Variants in DLG2 observed in about 807,000 individuals in gnomAD.
The protein encoded by DLG2 is discs large MAGUK scaffold protein 2.
DLG2 carries 45 observed loss-of-function variants against 132.5 expected under a neutral mutation model. That is an observed-to-expected ratio of 0.34 (90% CI 0.27 to 0.44). The LOEUF is 0.44. Among genes scored for constraint, DLG2 ranks in the 20% least tolerant of loss-of-function variants. The pLI is 1.00. For missense variants in DLG2, 1,045 were observed against 1,196.9 expected, an observed-to-expected ratio of 0.87 and a Z score of 1.87; for synonymous variants, 424 against 419.6, an observed-to-expected ratio of 1.01 and a Z score of -0.13.
chr11:84,659,092 A>G (rs552073131), intron 6 of DLG2, among the ~76,000 whole-genome samples: 1 of 152,316 alleles, frequency 6.6e-6, no homozygotes, highest in Non-Finnish European at 1.5e-5. Context: ...CACAGCCTGA[A>G]TAAGCTAAGA....
chr11:84,047,037 A>G (rs113217626), intron 11 of DLG2, among the ~76,000 whole-genome samples: 118 of 151,756 alleles, frequency 7.8e-4, no homozygotes, highest in African/African-American at 2.6e-3. Context: ...ACATTGGTCC[A>G]TGAGTTGAGG....
intron 4 of DLG2, among the ~76,000 whole-genome samples, chr11:85,266,101 G>C (rs118101644): frequency 0.017 from 2,665 of 152,326 alleles, 105 homozygotes; most frequent in Non-Finnish European, 0.014. Flanking sequence ...ACACACTGCT[G>C]TCCATAGACA....
chr11:83,480,333 T>G lies in DLG2; in HGVS notation c.2293+3796A>C, dbSNP rs1345744101. 3 of 1,514,808 alleles carry G rather than the reference T, an allele frequency of 2.0e-6. No homozygotes were observed. The African/African-American group carries it at 4.1e-5, about 21-fold the overall frequency. The allele number at this position is 1,514,808 out of a possible 1,614,324, so 93.8% of individuals were successfully genotyped here. On this transcript the variant is annotated intron_variant, in intron 22 of 27. Transcript: ENST00000376104. ...ATGACCACCACAGGCAATGGGGCAA[T>G]TGCAAAGAAAATAACCGCAAACCAA... is the stretch of plus-strand genomic sequence containing the variant.
chr11:84,868,392 G>C (rs1449861111), intron 6 of DLG2, among the ~76,000 whole-genome samples: 1 of 151,974 alleles, frequency 6.6e-6, no homozygotes, highest in Non-Finnish European at 1.5e-5. Context: ...AGTCAGCAAG[G>C]TCATTCTGCA....
At chr11:84,184,328 G>A (rs995883851) in intron 8 of DLG2, among the ~76,000 whole-genome samples, 33 of 152,032 alleles carry the variant, frequency 2.2e-4, no homozygotes, top group African/African-American at 7.7e-4. Flanking sequence ...GATGGCCAGT[G>A]ATGATGAGCA....
intron 7 of DLG2, among the ~76,000 whole-genome samples, chr11:84,516,674 A>C (rs944848889): frequency 1.3e-5 from 2 of 151,578 alleles, no homozygotes; most frequent in Admixed American, 6.6e-5. Flanking sequence ...ACTTCCAAAA[A>C]ATTGAAGAGG....
At chr11:84,436,959 T>C (rs2099002707) in intron 7 of DLG2, among the ~76,000 whole-genome samples, 1 of 152,136 alleles carries the variant, frequency 6.6e-6, no homozygotes, top group Non-Finnish European at 1.5e-5. Context: ...CTGTAACACA[T>C]GTACTAGAGA....
chr11:84,727,453 A>T (rs1322102977), intron 6 of DLG2, among the ~76,000 whole-genome samples: 1 of 152,056 alleles, frequency 6.6e-6, no homozygotes, highest in Non-Finnish European at 1.5e-5. Context: ...ATTGGTGTAT[A>T]TATCTGTTTT....
intron 3 of DLG2, among the ~76,000 whole-genome samples, chr11:85,515,438 TTTCAGCAA>T (rs1215798501): frequency 1.3e-5 from 2 of 151,936 alleles, no homozygotes; most frequent in Non-Finnish European, 2.9e-5. Context: ...GCTGTGTAAA[TTTCAGCAA>T]TTCCTAAATC....
At chr11:84,732,374 T>C (rs192313531) in intron 6 of DLG2, among the ~76,000 whole-genome samples, 94 of 152,168 alleles carry the variant, frequency 6.2e-4, no homozygotes, top group African/African-American at 2.2e-3. Context: ...CATTTTACAT[T>C]CCCACCAGCA....
chr11:84,332,039 G>A (rs4944484), intron 7 of DLG2, among the ~76,000 whole-genome samples: 5,373 of 152,060 alleles, frequency 0.035, 287 homozygotes, highest in East Asian at 0.19. Context: ...TTCATCCTCA[G>A]AATATGTTCC....
At chr11:85,228,017 C>T (rs767275148) in intron 4 of DLG2, among the ~76,000 whole-genome samples, 4 of 152,034 alleles carry the variant, frequency 2.6e-5, no homozygotes, top group Non-Finnish European at 5.9e-5. Flanking sequence ...GATATGCTTT[C>T]CTTTACTACT....
intron 3 of DLG2, among the ~76,000 whole-genome samples, chr11:85,322,798 G>T (rs1309589643): frequency 6.6e-6 from 1 of 152,028 alleles, no homozygotes; most frequent in East Asian, 1.9e-4. Flanking sequence ...GAAGTCTATA[G>T]ATCCTATATA....
intron 6 of DLG2, among the ~76,000 whole-genome samples, chr11:84,845,861 G>A (rs1326321704): frequency 2.6e-5 from 4 of 151,866 alleles, no homozygotes; most frequent in Non-Finnish European, 5.9e-5. Flanking sequence ...TGTATTTTTA[G>A]TAGAGATAGG....
chr11:84,544,780 C>T (rs1296768745), intron 6 of DLG2, among the ~76,000 whole-genome samples: 2 of 152,108 alleles, frequency 1.3e-5, no homozygotes, highest in African/African-American at 2.4e-5. Flanking sequence ...TGTAATGCTC[C>T]CTTTGGCTTG....
chr11:83,724,520 A>G (rs2089582219), intron 18 of DLG2, among the ~76,000 whole-genome samples: 1 of 147,838 alleles, frequency 6.8e-6, no homozygotes, highest in African/African-American at 2.5e-5. Context: ...AGAGAGAGAG[A>G]GAATATCAAG....
At chr11:85,434,695 C>CA (rs565216094) in intron 3 of DLG2, among the ~76,000 whole-genome samples, 18 of 151,860 alleles carry the variant, frequency 1.2e-4, no homozygotes, top group Non-Finnish European at 2.6e-4. Flanking sequence ...GCCTACCAAC[C>CA]AAAAAAAGCC....
intron 5 of DLG2, among the ~76,000 whole-genome samples, chr11:85,125,886 C>T (rs1048681164): frequency 2.0e-5 from 3 of 151,590 alleles, no homozygotes. Context: ...GAGTTTCTGT[C>T]TAGTCAAAAG....
At chr11:85,457,839 G>A (rs937946877) in intron 3 of DLG2, among the ~76,000 whole-genome samples, 3 of 152,098 alleles carry the variant, frequency 2.0e-5, no homozygotes, top group Admixed American at 6.5e-5. Flanking sequence ...CTAGATGAAC[G>A]TCCCTTCTCT....
Sources: gnomAD v4.1 joint callset for allele counts (sites outside exome capture counted in the v4.1 genomes callset) on GRCh38, gnomAD v4.1.1 for gene constraint, MANE v1.5 for transcripts, NCBI Gene and HGNC (gene_info 2026-07-23, HGNC 2026-07-21) for gene names.